Variants in EVI5 observed in about 807,000 individuals in gnomAD.
EVI5 encodes ecotropic viral integration site 5.
Under a neutral mutation model 112.0 loss-of-function variants are expected in EVI5, and 73 were observed. That is an observed-to-expected ratio of 0.65 (90% CI 0.54 to 0.79). The LOEUF (loss-of-function observed/expected upper bound fraction) is 0.79. Ranked by LOEUF, EVI5 falls within the 30% of genes least tolerant of loss-of-function variation. The probability of loss-of-function intolerance (pLI) is 0.00; values close to 1 mark genes in which losing one functional copy is unlikely to be tolerated. For synonymous variants in EVI5, 305 were observed against 319.9 expected (o/e 0.95, Z 0.50); for missense variants, 900 against 968.8 (o/e 0.93, Z 0.94).
Position 92,513,651 on chromosome 1 carries a change from G to C in EVI5, c.*5C>G, listed in dbSNP as rs199710333. 4.6e-5 allele frequency: 73 copies of C among 1,584,822 alleles called. No individual in the cohort carries two copies. Among genetic ancestry groups the C allele is most frequent in the Non-Finnish European group, 6.1e-5 (71 of 1,163,198 alleles). On this transcript the variant is annotated 3_prime_UTR_variant, in exon 20 of 20. Transcript: ENST00000684568. ...ATAAATCCATAGTCTAGGTCACAGT[G>C]ATGGTCAGACAGTGGTTGAATACGA... is the stretch of plus-strand genomic sequence containing the variant.
At chr1:92,708,913 T>C (rs1314322950) in intron 2 of EVI5, among the ~76,000 whole-genome samples, 1 of 151,920 alleles carries the variant, frequency 6.6e-6, no homozygotes, top group Non-Finnish European at 1.5e-5. Context: ...AGAAAGAAAA[T>C]AGATCAGCAG....
At chr1:92,730,580 G>A (rs924383198) in intron 2 of EVI5, among the ~76,000 whole-genome samples, 3 of 151,038 alleles carry the variant, frequency 2.0e-5, no homozygotes, top group Non-Finnish European at 4.4e-5. Flanking sequence ...TACTCAGGAG[G>A]CTGAGGTGGA....
chr1:92,602,026 T>C (rs2039452), intron 18 of EVI5, among the ~76,000 whole-genome samples: 140,282 of 152,244 alleles, frequency 0.92, 64,718 homozygotes, highest in East Asian at 0.97. Flanking sequence ...CTGAGGTTTT[T>C]CTGAATATGT....
At position 92,771,247 on chromosome 1, in the gene EVI5, T is replaced by G. The variant is rs373218574; in HGVS notation, c.-82+13589A>C. Among the ~76,000 whole-genome samples, 4 of 152,234 alleles carry G rather than the reference T, an allele frequency of 2.6e-5. No homozygotes were observed. In the South Asian group the frequency reaches 6.2e-4, roughly 24 times the overall value. On this transcript the variant is annotated intron_variant, in intron 1 of 19. Coordinates refer to ENST00000684568, the MANE Select transcript of EVI5 (RefSeq NM_001350197.2). ...ATAGTGGCTACTCCTTTTGTTCTTA[T>G]GCAGACTCTTCATCAGCTCATTTCT...
intron 1 of EVI5, among the ~76,000 whole-genome samples, chr1:92,783,604 G>A (rs994800176): frequency 1.4e-4 from 21 of 151,350 alleles, no homozygotes; most frequent in Non-Finnish European, 5.9e-5. Context: ...ACGAGGTCAA[G>A]AGATCAAGAC....
At chr1:92,699,071 G>C (rs1188837714) in intron 5 of EVI5, among the ~76,000 whole-genome samples, 1 of 152,174 alleles carries the variant, frequency 6.6e-6, no homozygotes, top group African/African-American at 2.4e-5. Context: ...TCTTACTGAA[G>C]ACTGCTGCTA....
intron 1 of EVI5, among the ~76,000 whole-genome samples, chr1:92,779,847 T>C (rs1236826963): frequency 6.6e-6 from 1 of 152,070 alleles, no homozygotes; most frequent in Non-Finnish European, 1.5e-5. Context: ...AGGTATAGGG[T>C]CAGTGGAGAG....
intron 2 of EVI5, among the ~76,000 whole-genome samples, chr1:92,732,886 G>A (rs1676711581): frequency 8.6e-6 from 1 of 116,586 alleles, no homozygotes; most frequent in Admixed American, 1.0e-4. Context: ...GGAGACATGT[G>A]AGACTCCATC....
At chr1:92,633,713 T>C (rs77066496) in intron 14 of EVI5, among the ~76,000 whole-genome samples, 1 of 152,192 alleles carries the variant, frequency 6.6e-6, no homozygotes. Flanking sequence ...GATCCTGACA[T>C]TATGATGTTA....
chr1:92,653,106 C>T (rs187346751), intron 13 of EVI5, among the ~76,000 whole-genome samples: 324 of 152,306 alleles, frequency 2.1e-3, no homozygotes, highest in African/African-American at 7.4e-3. Context: ...ACTCTGCCCC[C>T]GGACTTGAGC....
In EVI5 at chr1:92,628,583, T is replaced by C. The variant is rs563695758; in HGVS notation, c.1528-2649A>G. ...TATCCCAGCACACGGATACAAGACT[T>C]AGATCAATTTCCCACCATATTAAAA... On this transcript the variant is annotated intron_variant, in intron 14 of 19. Coordinates refer to ENST00000684568, the MANE Select transcript of EVI5 (RefSeq NM_001350197.2). Among the ~76,000 whole-genome samples, 27 of 152,250 alleles carry C rather than the reference T, an allele frequency of 1.8e-4. No homozygotes were observed. In the South Asian group the frequency reaches 2.3e-3, roughly 13 times the overall value.
At chr1:92,660,731 C>A (rs927480407) in intron 13 of EVI5, among the ~76,000 whole-genome samples, 2 of 151,896 alleles carry the variant, frequency 1.3e-5, no homozygotes, top group South Asian at 4.1e-4. Flanking sequence ...AAGTCACATA[C>A]CTTACAATTC....
chr1:92,630,596 A>C (rs1656817052), intron 14 of EVI5, among the ~76,000 whole-genome samples: 2 of 152,002 alleles, frequency 1.3e-5, no homozygotes, highest in Admixed American at 1.3e-4. Flanking sequence ...AGATTGCAAA[A>C]ATTTTCTCCC....
At chr1:92,778,910 A>G (rs1684506304) in intron 1 of EVI5, among the ~76,000 whole-genome samples, 1 of 152,132 alleles carries the variant, frequency 6.6e-6, no homozygotes, top group Non-Finnish European at 1.5e-5. Flanking sequence ...AGCCACACCT[A>G]ATTTTTTTAA....
At chr1:92,728,532 C>T (rs918756720) in intron 2 of EVI5, among the ~76,000 whole-genome samples, 1 of 152,088 alleles carries the variant, frequency 6.6e-6, no homozygotes. Context: ...GGATTACAGG[C>T]ACCCGCCACC....
intron 19 of EVI5, among the ~76,000 whole-genome samples, chr1:92,556,564 TCA>T (rs1667713377): frequency 6.6e-6 from 1 of 152,214 alleles, no homozygotes; most frequent in African/African-American, 2.4e-5. Context: ...CTCTGAAGTC[TCA>T]GTTTCCAAGA....
chr1:92,722,257 A>G (rs185338593), intron 2 of EVI5, among the ~76,000 whole-genome samples: 1 of 152,174 alleles, frequency 6.6e-6, no homozygotes, highest in East Asian at 1.9e-4. Context: ...AGATCTCTTG[A>G]ACTTATTCCT....
At chr1:92,672,363 T>C (rs1572217382) in intron 10 of EVI5, among the ~76,000 whole-genome samples, 2 of 152,244 alleles carry the variant, frequency 1.3e-5, no homozygotes, top group South Asian at 2.1e-4. Flanking sequence ...ATTCATGCTG[T>C]CCCATCCACA....
chr1:92,690,035 C>T (rs745590724), intron 9 of EVI5, among the ~76,000 whole-genome samples: 3 of 151,938 alleles, frequency 2.0e-5, no homozygotes, highest in Non-Finnish European at 2.9e-5. Flanking sequence ...ACTACAGGCA[C>T]CTGGTTAGCT....
Sources: allele counts gnomAD v4.1 joint callset (sites outside exome capture counted in the v4.1 genomes callset), GRCh38; gene constraint gnomAD v4.1.1; transcripts MANE v1.5; gene names NCBI Gene and HGNC (gene_info 2026-07-23, HGNC 2026-07-21).